The following ARNT2 variants were observed in gnomAD, a reference collection of about 807,000 sequenced individuals.
ARNT2 encodes aryl hydrocarbon receptor nuclear translocator 2, also known as ARNT protein 2.
Under a neutral mutation model 91.7 loss-of-function variants are expected in ARNT2, and 36 were observed. That is an observed-to-expected ratio of 0.39 (90% CI 0.30 to 0.52). ARNT2 has a LOEUF of 0.52. Ranked by LOEUF, ARNT2 falls within the 20% of genes least tolerant of loss-of-function variation. ARNT2 has a pLI of 0.72. For synonymous variants in ARNT2, 365 were observed against 347.1 expected (o/e 1.05, Z -0.57); for missense variants, 775 against 939.3 (o/e 0.83, Z 2.29).
chr15:80,469,466 G>A (rs1241678338), intron 3 of ARNT2, among the ~76,000 whole-genome samples: 2 of 151,438 alleles, frequency 1.3e-5, no homozygotes, highest in Non-Finnish European at 2.9e-5. Context: ...AGACTATATA[G>A]TGCTTCTTAC....
intron 5 of ARNT2, among the ~76,000 whole-genome samples, chr15:80,495,418 C>A (rs1482679963): frequency 6.6e-6 from 1 of 152,196 alleles, no homozygotes; most frequent in Non-Finnish European, 1.5e-5. Context: ...GAATGCTAAT[C>A]TTACAGGTTT....
chr15:80,457,080 A>C (rs1896491701), intron 2 of ARNT2, among the ~76,000 whole-genome samples: 1 of 152,100 alleles, frequency 6.6e-6, no homozygotes, highest in Admixed American at 6.5e-5. Flanking sequence ...GGTACACTTG[A>C]CACCAATTAA....
At position 80,552,704 on chromosome 15, in the gene ARNT2, G is replaced by A. The variant is rs369038283; in HGVS notation, c.1019G>A (p.Arg340Gln). The A allele has an allele frequency of 8.7e-6, 14 of 1,613,878 alleles. No individual in the cohort carries two copies. The highest frequency in any genetic ancestry group is 2.7e-5 in the African/African-American group (2 of 74,880). The part of the protein sequence containing the change: ...GMSVPTEFLS[R>Q]HNSDGIITFV... ...TCGGTGCCCACAGAGTTCTTATCCC[G>A]GCATAACTCCGATGGAATCATCACA... The change falls in exon 10 of 19, where the codon CGG (arginine) becomes CAG (glutamine). Residue 340 changes from arginine (R) to glutamine (Q), a missense_variant. Coordinates refer to ENST00000303329, the MANE Select transcript of ARNT2 (RefSeq NM_014862.4).
chr15:80,540,173 A>C (rs1412916931), intron 8 of ARNT2, among the ~76,000 whole-genome samples: 2 of 152,138 alleles, frequency 1.3e-5, no homozygotes, highest in Non-Finnish European at 2.9e-5. Flanking sequence ...GATGTGACCT[A>C]AGAATGGAAT....
chr15:80,567,543 C>T (rs779469148), intron 12 of ARNT2, among the ~76,000 whole-genome samples: 1 of 152,182 alleles, frequency 6.6e-6, no homozygotes, highest in African/African-American at 2.4e-5. Context: ...GAGAAAGCAT[C>T]CCCAGGAGGT....
At chr15:80,514,502 G>A in intron 8 of ARNT2, 97 bp downstream of exon 8, 1 of 1,018,568 alleles carries the variant, frequency 9.8e-7, no homozygotes, top group Non-Finnish European at 1.5e-6. Flanking sequence ...GAATAGGTAG[G>A]AAAATATTCT....
chr15:80,569,512 C>T (rs1195030950), intron 12 of ARNT2, among the ~76,000 whole-genome samples: 1 of 152,208 alleles, frequency 6.6e-6, no homozygotes, highest in Non-Finnish European at 1.5e-5. Flanking sequence ...GCCTGCAGGT[C>T]AGCACTTTCT....
At chr15:80,470,603 T>A (rs1041779895) in intron 4 of ARNT2, among the ~76,000 whole-genome samples, 172 bp downstream of exon 4, 4 of 152,248 alleles carry the variant, frequency 2.6e-5, no homozygotes, top group Admixed American at 1.3e-4. Flanking sequence ...TGTCTGATCT[T>A]TGGGTCTTCT....
intron 5 of ARNT2, among the ~76,000 whole-genome samples, chr15:80,488,293 G>A (rs1398942943): frequency 2.0e-5 from 3 of 152,132 alleles, no homozygotes; most frequent in South Asian, 2.1e-4. Context: ...TATGTGAATC[G>A]ACTTGAGAAT....
intron 14 of ARNT2, 146 bp from the exon 15 acceptor site, chr15:80,576,720 G>A (rs1898682512): frequency 1.3e-6 from 1 of 777,586 alleles, no homozygotes; most frequent in South Asian, 1.6e-5. Context: ...CAGAGGCAAG[G>A]CTGAGAAGAT....
At chr15:80,534,452 A>G (rs1897788825) in intron 8 of ARNT2, among the ~76,000 whole-genome samples, 1 of 152,240 alleles carries the variant, frequency 6.6e-6, no homozygotes, top group African/African-American at 2.4e-5. Flanking sequence ...AATTTTTAAA[A>G]GGTTATGAAT....
At chr15:80,500,704 A>G (rs2141418130) in intron 5 of ARNT2, among the ~76,000 whole-genome samples, 1 of 152,352 alleles carries the variant, frequency 6.6e-6, no homozygotes, top group South Asian at 2.1e-4. Context: ...AGCAGGAGTC[A>G]GAGAATGCAT....
chr15:80,574,239 C>A lies in ARNT2; in HGVS notation c.1389+19C>A. 6.2e-7 allele frequency: 1 copy of A among 1,611,796 alleles called. No homozygotes were observed. The highest frequency in any genetic ancestry group is 8.5e-7 in the Non-Finnish European group (1 of 1,177,840). The stretch of plus-strand genomic sequence containing the variant: ...ATCCCAGGTGAGTTTCTGGAAAACC[C>A]TTTCCCTGTTGGAATTGTCTCCAGC... On this transcript the variant is annotated intron_variant, in intron 13 of 18. Transcript: ENST00000303329.
intron 12 of ARNT2, among the ~76,000 whole-genome samples, chr15:80,565,473 C>T (rs1026538203): frequency 6.6e-6 from 1 of 151,972 alleles, no homozygotes; most frequent in Admixed American, 6.5e-5. Context: ...ACATTCCCAT[C>T]ATCAGTGTGT....
At chr15:80,521,128 T>G (rs908759483) in intron 8 of ARNT2, among the ~76,000 whole-genome samples, 1 of 152,208 alleles carries the variant, frequency 6.6e-6, no homozygotes, top group African/African-American at 2.4e-5. Flanking sequence ...CTGATTTTAC[T>G]GAGATAGACA....
chr15:80,540,582 T>C (rs1897889561), intron 8 of ARNT2, among the ~76,000 whole-genome samples: 1 of 152,166 alleles, frequency 6.6e-6, no homozygotes, highest in Non-Finnish European at 1.5e-5. Flanking sequence ...GTTTAGGGTA[T>C]GGTTGATCCC....
chr15:80,558,947 G>A (rs1898260138), intron 11 of ARNT2, among the ~76,000 whole-genome samples: 1 of 152,196 alleles, frequency 6.6e-6, no homozygotes, highest in Admixed American at 6.5e-5. Flanking sequence ...TCTGTGCCCA[G>A]TAACTGGCCA....
intron 3 of ARNT2, among the ~76,000 whole-genome samples, chr15:80,462,289 A>G (rs1290115548): frequency 6.6e-6 from 1 of 152,180 alleles, no homozygotes; most frequent in Non-Finnish European, 1.5e-5. Flanking sequence ...GGCATCTTAA[A>G]TATTGTTTCA....
chr15:80,491,832 A>G (rs1190357600), intron 5 of ARNT2, among the ~76,000 whole-genome samples: 3 of 102,624 alleles, frequency 2.9e-5, no homozygotes, highest in Admixed American at 2.4e-4. Flanking sequence ...AAGTATAGGC[A>G]TATTCAGTTG....
Sources: gnomAD v4.1 joint callset for allele counts (sites outside exome capture counted in the v4.1 genomes callset) on GRCh38, gnomAD v4.1.1 for gene constraint, MANE v1.5 for transcripts, NCBI Gene and HGNC (gene_info 2026-07-23, HGNC 2026-07-21) for gene names.